OGFOD1: variants seen among roughly 807,000 people sequenced by gnomAD.
OGFOD1 encodes 2-oxoglutarate and iron dependent oxygenase domain containing 1.
OGFOD1 carries 54 observed loss-of-function variants against 67.7 expected under a neutral mutation model. The observed-to-expected ratio is 0.80, with a 90% confidence interval of 0.64 to 1.00. OGFOD1 has a LOEUF of 1.00. Ranked by LOEUF, OGFOD1 falls within the 50% of genes least tolerant of loss-of-function variation. The pLI, the probability that OGFOD1 is intolerant of heterozygous loss-of-function variation, is 0.00. For missense variants in OGFOD1, 606 were observed against 646.7 expected, an observed-to-expected ratio of 0.94 and a Z score of 0.68; for synonymous variants, 221 against 227.0, an observed-to-expected ratio of 0.97 and a Z score of 0.24.
chr16:56,475,018 T>C (rs112346218), intron 11 of OGFOD1, 68 bp downstream of exon 11: 13 of 1,527,734 alleles, frequency 8.5e-6, no homozygotes, highest in African/African-American at 4.1e-5. Flanking sequence ...GAGGGACCCT[T>C]TCCAGCTGAA....
rs752636105 is a variant in OGFOD1 at position 56,453,247 on chromosome 16, G to A, written c.155-16G>A. ...CAAAAGGAAAAAAGCCATAGATAAT[G>A]TTTTTCTTCCAACAGAAGTCATTGT... On this transcript the variant is annotated splice_polypyrimidine_tract_variant and intron_variant, in intron 1 of 12. Transcript: ENST00000566157. The A allele has an allele frequency of 6.2e-7, 1 of 1,600,056 alleles. No homozygotes were observed. The highest frequency in any genetic ancestry group is 1.1e-5 in the South Asian group (1 of 88,354).
chr16:56,457,144 C>T, intron 2 of OGFOD1, among the ~76,000 whole-genome samples: 1 of 152,280 alleles, frequency 6.6e-6, no homozygotes, highest in African/African-American at 2.4e-5. Flanking sequence ...CACAAATGTT[C>T]ATAGCAGCTT....
chr16:56,468,583 G>A (rs749248391), intron 8 of OGFOD1, among the ~76,000 whole-genome samples: 10 of 151,972 alleles, frequency 6.6e-5, no homozygotes, highest in Non-Finnish European at 1.5e-4. Flanking sequence ...AAAATTAGCC[G>A]GGCATGGTGG....
intron 2 of OGFOD1, 25 bp from the exon 3 acceptor site, chr16:56,458,523 T>C (rs761684919): frequency 2.5e-5 from 40 of 1,608,930 alleles, no homozygotes; most frequent in Non-Finnish European, 3.3e-5. Flanking sequence ...GAAATCCCTT[T>C]TTTTTCTCTA....
At chr16:56,456,641 G>A (rs891189571) in intron 2 of OGFOD1, among the ~76,000 whole-genome samples, 7 of 152,216 alleles carry the variant, frequency 4.6e-5, no homozygotes, top group Admixed American at 2.6e-4. Flanking sequence ...AGATACGATA[G>A]TGGTCCCATA....
At position 56,467,204 on chromosome 16, in the gene OGFOD1, A is replaced by G. The variant is rs138304886; in HGVS notation, c.697A>G (p.Ile233Val). The change falls in exon 7 of 13, where the codon ATA becomes GTA. Residue 233 changes from isoleucine to valine, a missense_variant. Physicochemically the swap from Ile to Val is conservative, Grantham distance 29. Transcript: ENST00000566157. ...GTCTGAAGAAAAGTCACGTTTGTCT[A>G]TAAGTGGCTGGTTTCATGGTCCATC... is the stretch of plus-strand genomic sequence containing the variant. The part of the protein sequence containing the change: ...VLSEEKSRLS[I>V]SGWFHGPSLT... 138 of 1,614,022 alleles carry G rather than the reference A, an allele frequency of 8.6e-5. No homozygotes were observed. The highest frequency in any genetic ancestry group is 1.0e-4 in the Non-Finnish European group (123 of 1,180,008).
intron 10 of OGFOD1, among the ~76,000 whole-genome samples, chr16:56,474,296 T>G (rs1020250084): frequency 5.3e-5 from 8 of 151,466 alleles, no homozygotes; most frequent in Non-Finnish European, 1.0e-4. Context: ...TTTATTATTA[T>G]AGAGAGAAAT....
Position 56,478,929 on chromosome 16 carries a change from T to C in OGFOD1, c.*2724T>C, listed in dbSNP as rs1010091287. 8 of 152,220 alleles carry C rather than the reference T, an allele frequency of 5.3e-5. No homozygotes were observed. Among genetic ancestry groups the C allele is most frequent in the Non-Finnish European group, 1.0e-4 (7 of 68,036 alleles). The allele number at this position is 152,220 out of a possible 1,614,324, so 9.4% of individuals were successfully genotyped here. ...AAAGATTGTGTTTCTGCACTGAAGATAGATACACAGTGATAGTGAAGTTTG... is the reference window on the plus strand; with the variant it reads ...AAAGATTGTGTTTCTGCACTGAAGACAGATACACAGTGATAGTGAAGTTTG... On this transcript the variant is annotated 3_prime_UTR_variant, in exon 13 of 13. Transcript: ENST00000566157.
At chr16:56,466,106 T>C in intron 4 of OGFOD1, 46 bp from the exon 5 acceptor site, 1 of 1,356,646 alleles carries the variant, frequency 7.4e-7, no homozygotes, top group Non-Finnish European at 1.1e-6. Context: ...AGGTGTCAGC[T>C]GGTCACTATC....
At chr16:56,470,429 CTG>C in intron 9 of OGFOD1, 56 bp from the exon 10 acceptor site, 1 of 1,460,048 alleles carries the variant, frequency 6.8e-7, no homozygotes, top group South Asian at 1.3e-5. Context: ...AGCTTTTATT[CTG>C]TGAGTCATTT....
chr16:56,452,849 G>A (rs1962387285), intron 1 of OGFOD1, among the ~76,000 whole-genome samples: 1 of 152,130 alleles, frequency 6.6e-6, no homozygotes, highest in Non-Finnish European at 1.5e-5. Context: ...AGTAGTAAAT[G>A]CCTCTGACAG....
In OGFOD1 at chr16:56,466,918, C is replaced by G; in HGVS notation, c.608C>G (p.Ser203Trp). Reference sequence around the variant, plus strand: ...CAGATTGTCAAGTCTCTTATCCCTTCGTGGAACAAACTGGTTTTCTTTGAA... The same window carrying G: ...CAGATTGTCAAGTCTCTTATCCCTTGGTGGAACAAACTGGTTTTCTTTGAA... ...PKQIVKSLIPSWNKLVFFEVS... is the reference protein window; with the variant it reads ...PKQIVKSLIPWWNKLVFFEVS... Residue 203 changes from serine to tryptophan, a missense_variant, in exon 6 of 13, where the codon TCG (serine) becomes TGG (tryptophan). Coordinates refer to ENST00000566157, the MANE Select transcript of OGFOD1 (RefSeq NM_018233.4). The G allele has an allele frequency of 6.2e-7, 1 of 1,613,940 alleles. No homozygotes were observed. The highest frequency in any genetic ancestry group is 8.5e-7 in the Non-Finnish European group (1 of 1,179,840).
At chr16:56,454,666 A>C (rs2143967158) in intron 2 of OGFOD1, 1 of 351,320 alleles carries the variant, frequency 2.8e-6, no homozygotes, top group East Asian at 8.4e-5. Context: ...AAAAAAAAGA[A>C]AGATTAAAAA....
intron 2 of OGFOD1, among the ~76,000 whole-genome samples, chr16:56,454,222 C>T (rs1487977769): frequency 2.0e-5 from 3 of 152,100 alleles, no homozygotes; most frequent in African/African-American, 7.2e-5. Flanking sequence ...GTGGCATGTA[C>T]CTGTAATCCC....
rs765478716 is a variant in OGFOD1 at position 56,451,600 on chromosome 16, G to T, written c.-13G>T. On this transcript the variant is annotated 5_prime_UTR_variant, in exon 1 of 13. Coordinates refer to ENST00000566157, the MANE Select transcript of OGFOD1 (RefSeq NM_018233.4). ...CTTGATCTGCGTGGCGTGGTTCTGT[G>T]CCTTGGGAAGAGATGAATGGGAAGC... 4.3e-6 allele frequency: 7 copies of T among 1,613,238 alleles called. No individual in the cohort carries two copies. The Admixed American group carries it at 5.0e-5, about 12-fold the overall frequency.
intron 7 of OGFOD1, 90 bp from the exon 8 acceptor site, chr16:56,467,815 T>C (rs1009506234): frequency 5.5e-6 from 4 of 733,188 alleles, no homozygotes; most frequent in African/African-American, 3.5e-5. Context: ...AAATGAGGAT[T>C]TGCATGTATT....
rs1330437812 is a variant in OGFOD1, at chr16:56,478,691, T to C, written c.*2486T>C. 6.6e-6 allele frequency: 1 copy of C among 152,202 alleles called. No homozygotes were observed. The highest frequency in any genetic ancestry group is 1.5e-5 in the Non-Finnish European group (1 of 68,038). 9.4% of individuals were successfully genotyped at this position (152,202 alleles called of 1,614,324 possible). A position where few individuals can be genotyped will look rare whatever the true frequency, so the allele number is the denominator to read the frequency against. On this transcript the variant is annotated 3_prime_UTR_variant, in exon 13 of 13. Transcript: ENST00000566157. ...ATTCTGGAAAGCCAAATCTGAATCT[T>C]AGAATACCTCACAAGTGTTAAAATG...
chr16:56,468,097 G>A, intron 8 of OGFOD1, 79 bp downstream of exon 8: 1 of 710,014 alleles, frequency 1.4e-6, no homozygotes, highest in Non-Finnish European at 2.5e-6. Context: ...AGGCATCACT[G>A]GGGAGTTTTT....
intron 9 of OGFOD1, 51 bp downstream of exon 9, chr16:56,470,133 T>C (rs764911201): frequency 1.3e-6 from 2 of 1,487,584 alleles, no homozygotes; most frequent in Non-Finnish European, 1.9e-6. Flanking sequence ...ACCTATAACA[T>C]TTTTTTATAA....
Sources: gnomAD v4.1 joint callset for allele counts (sites outside exome capture counted in the v4.1 genomes callset) on GRCh38, gnomAD v4.1.1 for gene constraint, MANE v1.5 for transcripts, NCBI Gene and HGNC (gene_info 2026-07-23, HGNC 2026-07-21) for gene names.